The following CREB5 variants were observed in gnomAD, a reference collection of about 807,000 sequenced individuals.
The protein encoded by CREB5 is cyclic AMP-responsive element-binding protein 5.
CREB5 carries 19 observed loss-of-function variants against 57.1 expected under a neutral mutation model. That is an observed-to-expected ratio of 0.33 (90% CI 0.23 to 0.49). CREB5 has a LOEUF of 0.49. Among genes scored for constraint, CREB5 ranks in the 20% least tolerant of loss-of-function variants. The pLI is 0.99. For missense variants in CREB5, 579 were observed against 671.6 expected, an observed-to-expected ratio of 0.86 and a Z score of 1.52; for synonymous variants, 238 against 238.3, an observed-to-expected ratio of 1.00 and a Z score of 0.01.
intron 5 of CREB5, among the ~76,000 whole-genome samples, chr7:28,640,990 C>T (rs1181409230): frequency 1.3e-5 from 2 of 152,096 alleles, no homozygotes; most frequent in East Asian, 1.9e-4. Context: ...AGCTGGGGCC[C>T]CTTTTAGAAG....
chr7:28,565,392 TA>T (rs1482648909), intron 4 of CREB5, among the ~76,000 whole-genome samples: 1 of 152,184 alleles, frequency 6.6e-6, no homozygotes, highest in East Asian at 1.9e-4. Flanking sequence ...GTCATATCTG[TA>T]CCTTGAAAGT....
intron 9 of CREB5, among the ~76,000 whole-genome samples, chr7:28,815,581 T>TG (rs532457442): frequency 6.0e-4 from 92 of 152,290 alleles, no homozygotes; most frequent in African/African-American, 2.1e-3. Context: ...TGAAACTGTT[T>TG]GGGGCATGCC....
chr7:28,669,823 A>C (rs758978290), intron 5 of CREB5, among the ~76,000 whole-genome samples: 2 of 152,148 alleles, frequency 1.3e-5, no homozygotes, highest in Non-Finnish European at 2.9e-5. Flanking sequence ...TGCTCCTAGG[A>C]TCTGCGTCGT....
intron 1 of CREB5, among the ~76,000 whole-genome samples, chr7:28,347,360 T>C (rs1303311094): frequency 2.6e-5 from 4 of 152,186 alleles, no homozygotes; most frequent in Admixed American, 6.5e-5. Context: ...CTCAAAGTGA[T>C]CTTTGATTTA....
chr7:28,750,947 C>T (rs1354486553), intron 7 of CREB5, among the ~76,000 whole-genome samples: 1 of 152,132 alleles, frequency 6.6e-6, no homozygotes, highest in Non-Finnish European at 1.5e-5. Flanking sequence ...TGGAACCTTT[C>T]AATTGTCTGT....
intron 1 of CREB5, among the ~76,000 whole-genome samples, chr7:28,340,911 A>G (rs544262808): frequency 6.6e-6 from 1 of 152,234 alleles, no homozygotes; most frequent in Admixed American, 6.5e-5. Flanking sequence ...ACTGAGGTCT[A>G]ATGCAAAGTC....
intron 1 of CREB5, among the ~76,000 whole-genome samples, chr7:28,401,380 ATTG>A (rs1787459111): frequency 2.0e-5 from 3 of 147,672 alleles, no homozygotes; most frequent in Admixed American, 6.6e-5. Context: ...CTAGCTGTCT[ATTG>A]TTATTTTTTT....
intron 7 of CREB5, among the ~76,000 whole-genome samples, chr7:28,780,099 A>ACAGT (rs1260244443): frequency 6.6e-6 from 1 of 152,138 alleles, no homozygotes; most frequent in Non-Finnish European, 1.5e-5. Flanking sequence ...CGCCAACTGG[A>ACAGT]CAGTCAGTTC....
chr7:28,587,139 A>G (rs1796333224), intron 5 of CREB5, among the ~76,000 whole-genome samples: 1 of 152,246 alleles, frequency 6.6e-6, no homozygotes, highest in Non-Finnish European at 1.5e-5. Flanking sequence ...TCATTCCAAG[A>G]AAAGGATTTG....
chr7:28,590,349 T>TA (rs1241579121), intron 5 of CREB5, among the ~76,000 whole-genome samples: 2 of 151,738 alleles, frequency 1.3e-5, no homozygotes, highest in Non-Finnish European at 1.5e-5. Context: ...TATGCAGCCA[T>TA]AAAAAATGAT....
intron 4 of CREB5, among the ~76,000 whole-genome samples, chr7:28,515,724 A>G (rs1158947779): frequency 4.6e-5 from 7 of 152,026 alleles, no homozygotes; most frequent in African/African-American, 1.2e-4. Flanking sequence ...TTCCGTTTCT[A>G]TTACCTCAAG....
At chr7:28,705,378 A>G (rs866618583) in intron 5 of CREB5, among the ~76,000 whole-genome samples, 2 of 37,112 alleles carry the variant, frequency 5.4e-5, no homozygotes, top group African/African-American at 1.2e-4. Context: ...AAAAAAAAAA[A>G]AAAGAAAGAA....
chr7:28,629,619 A>C (rs902327916), intron 5 of CREB5, among the ~76,000 whole-genome samples: 1 of 152,186 alleles, frequency 6.6e-6, no homozygotes, highest in African/African-American at 2.4e-5. Flanking sequence ...CCCTTTAAAC[A>C]CAGAGCCACA....
At chr7:28,468,003 C>T (rs1790659774) in intron 1 of CREB5, among the ~76,000 whole-genome samples, 1 of 152,182 alleles carries the variant, frequency 6.6e-6, no homozygotes, top group South Asian at 2.1e-4. Context: ...GTCAGAACTT[C>T]AGAAGTCGTG....
At chr7:28,543,357 CA>C (rs1794283625) in intron 4 of CREB5, among the ~76,000 whole-genome samples, 1 of 151,948 alleles carries the variant, frequency 6.6e-6, no homozygotes, top group African/African-American at 2.4e-5. Flanking sequence ...TATAGCATTC[CA>C]CAAAAAATAT....
chr7:28,326,153 T>TTATCTATCTATCTATCCATC (rs1785595653), intron 1 of CREB5, among the ~76,000 whole-genome samples: 1 of 146,092 alleles, frequency 6.8e-6, no homozygotes, highest in African/African-American at 2.6e-5. Context: ...CACACACACA[T>TTATCTATCTATCTATCCATC]TATCTATCTA....
At chr7:28,744,305 C>T (rs1804567285) in intron 7 of CREB5, among the ~76,000 whole-genome samples, 1 of 150,404 alleles carries the variant, frequency 6.6e-6, no homozygotes, top group African/African-American at 2.4e-5. Context: ...GATTAGGGCC[C>T]ATCCATATGA....
At chr7:28,468,244 G>C (rs998133609) in intron 1 of CREB5, among the ~76,000 whole-genome samples, 1 of 152,236 alleles carries the variant, frequency 6.6e-6, no homozygotes, top group Non-Finnish European at 1.5e-5. Context: ...GGTCCTGTCT[G>C]CCAATAGTGC....
intron 1 of CREB5, among the ~76,000 whole-genome samples, chr7:28,354,710 C>T (rs1298579716): frequency 2.6e-5 from 4 of 152,196 alleles, no homozygotes; most frequent in East Asian, 3.9e-4. Flanking sequence ...CCTTTGCCCA[C>T]ATCCCAGAGA....
Sources: allele counts gnomAD v4.1 joint callset (sites outside exome capture counted in the v4.1 genomes callset), GRCh38; gene constraint gnomAD v4.1.1; transcripts MANE v1.5; gene names NCBI Gene and HGNC (gene_info 2026-07-23, HGNC 2026-07-21).